SESN1: variants seen among roughly 807,000 people sequenced by gnomAD.
SESN1 encodes sestrin-1.
SESN1 carries 30 observed loss-of-function variants against 59.3 expected under a neutral mutation model. The ratio of observed to expected loss-of-function variants is 0.51; its 90% CI spans 0.38 to 0.69. The LOEUF (loss-of-function observed/expected upper bound fraction) is 0.69, where lower values mean the gene tolerates loss of function less well. SESN1 is among the 30% of genes least tolerant of loss of function. SESN1 has a pLI of 0.00. For synonymous variants in SESN1, 197 were observed against 219.9 expected, an observed-to-expected ratio of 0.90 and a Z score of 0.92; for missense variants, 566 against 673.0, an observed-to-expected ratio of 0.84 and a Z score of 1.76.
intron 2 of SESN1, among the ~76,000 whole-genome samples, 176 bp from the exon 3 acceptor site, chr6:109,001,664 A>T (rs899856743): frequency 6.6e-6 from 1 of 152,212 alleles, no homozygotes; most frequent in African/African-American, 2.4e-5. Flanking sequence ...AAACAGTTAC[A>T]TATTATATAG....
rs947923697 is a variant in SESN1, at chr6:109,036,273, T to C, written c.280-33930A>G. Among the ~76,000 whole-genome samples the C allele has an allele frequency of 5.9e-5, 9 of 152,240 alleles. 1 individual carries two copies. The highest frequency in any genetic ancestry group is 3.2e-3 in the Middle Eastern group (1 of 316). ...CCAGCTTTATAGTTCAGCAAACCTA[T>C]GCAGTTAAAATCAGCTTTTGTGGGT... is the stretch of plus-strand genomic sequence containing the variant. On this transcript the variant is annotated intron_variant, in intron 1 of 9. Transcript: ENST00000436639.
At chr6:109,069,538 C>T (rs1033403560) in intron 1 of SESN1, among the ~76,000 whole-genome samples, 2 of 151,868 alleles carry the variant, frequency 1.3e-5, no homozygotes, top group Non-Finnish European at 2.9e-5. Context: ...TTAATTCCCA[C>T]AAACTTTAAT....
chr6:109,057,861 GA>G (rs2114451002), intron 1 of SESN1, among the ~76,000 whole-genome samples: 1 of 152,212 alleles, frequency 6.6e-6, no homozygotes, highest in East Asian at 1.9e-4. Context: ...TAATCCATAG[GA>G]AAATGAGTTT....
intron 1 of SESN1, 144 bp downstream of exon 1, chr6:109,093,651 G>A (rs1268827714): frequency 2.8e-5 from 22 of 776,526 alleles, no homozygotes; most frequent in Non-Finnish European, 4.3e-5. Flanking sequence ...AACACTACTT[G>A]TTTACTTACA....
intron 1 of SESN1, among the ~76,000 whole-genome samples, chr6:109,031,541 G>A (rs1780182672): frequency 6.6e-6 from 1 of 152,104 alleles, no homozygotes; most frequent in South Asian, 2.1e-4. Flanking sequence ...CCTAAAGTTA[G>A]AAGTCACTGC....
At chr6:109,077,603 A>C (rs2114472292) in intron 1 of SESN1, among the ~76,000 whole-genome samples, 1 of 152,338 alleles carries the variant, frequency 6.6e-6, no homozygotes, top group Non-Finnish European at 1.5e-5. Context: ...ACATGATCAG[A>C]CAGTGTCACC....
chr6:109,085,844 C>T (rs1781205238), intron 1 of SESN1, among the ~76,000 whole-genome samples: 1 of 152,148 alleles, frequency 6.6e-6, no homozygotes, highest in East Asian at 1.9e-4. Context: ...CTTCCAGCAG[C>T]ACTTTCATCC....
chr6:109,047,350 G>A (rs1780467034), intron 1 of SESN1, among the ~76,000 whole-genome samples: 4 of 134,290 alleles, frequency 3.0e-5, no homozygotes, highest in Non-Finnish European at 5.0e-5. Context: ...AGGTGGGGGG[G>A]TCAGCCCCCT....
At chr6:109,005,705 CCCCTCTTCCTTAGCCTCCAAATTGA>C (rs1779718177) in intron 1 of SESN1, among the ~76,000 whole-genome samples, 2 of 152,230 alleles carry the variant, frequency 1.3e-5, no homozygotes, top group East Asian at 3.9e-4. Flanking sequence ...AACACTGTCT[CCCCTCTTCCTTAGCCTCCAAATTGA>C]AGAGTCCTAA....
At chr6:108,993,190 G>C (rs78377844) in intron 6 of SESN1, among the ~76,000 whole-genome samples, 1 of 151,930 alleles carries the variant, frequency 6.6e-6, no homozygotes, top group Non-Finnish European at 1.5e-5. Context: ...TATTAGGTTC[G>C]ACTTATTCAA....
chr6:108,987,564 T>C lies in SESN1; in HGVS notation c.1636A>G (p.Ile546Val). The change falls in exon 10 of 10, where the codon ATT (isoleucine) becomes GTT (valine). Residue 546 changes from isoleucine to valine, a missense_variant. Ile to Val is a conservative substitution (Grantham distance 29). Coordinates refer to ENST00000436639, the MANE Select transcript of SESN1 (RefSeq NM_014454.3). ...QAELLYALRA[I>V]TRYMT The stretch of plus-strand genomic sequence containing the variant: ...AGGCATCAGGTCATATAGCGGGTAA[T>C]GGCTCTCAGAGCATAAAGGAGTTCT... 1 of 1,598,924 alleles carries C rather than the reference T, an allele frequency of 6.3e-7. No individual in the cohort carries two copies. Among genetic ancestry groups the C allele is most frequent in the East Asian group, 2.2e-5 (1 of 44,800 alleles).
intron 3 of SESN1, among the ~76,000 whole-genome samples, chr6:109,000,990 A>G (rs1257368136): frequency 6.6e-6 from 1 of 152,202 alleles, no homozygotes; most frequent in Non-Finnish European, 1.5e-5. Flanking sequence ...AATATTATTT[A>G]CATCTTGAAC....
chr6:108,993,150 T>C, intron 6 of SESN1: 1 of 361,746 alleles, frequency 2.8e-6, no homozygotes, highest in Non-Finnish European at 4.9e-6. Flanking sequence ...TCATAGATCC[T>C]TTCTCTCTCC....
At chr6:109,093,166 A>G (rs1781359334) in intron 1 of SESN1, among the ~76,000 whole-genome samples, 1 of 152,226 alleles carries the variant, frequency 6.6e-6, no homozygotes, top group African/African-American at 2.4e-5. Flanking sequence ...AAATAGCTAC[A>G]CATGTGAAAA....
intron 1 of SESN1, among the ~76,000 whole-genome samples, chr6:109,007,093 C>A (rs959951501): frequency 6.6e-6 from 1 of 152,180 alleles, no homozygotes; most frequent in Admixed American, 6.5e-5. Flanking sequence ...AACCTAATAA[C>A]CATCTTTGAA....
At chr6:109,071,482 T>C (rs573779201) in intron 1 of SESN1, among the ~76,000 whole-genome samples, 31 of 152,168 alleles carry the variant, frequency 2.0e-4, no homozygotes, top group Admixed American at 1.6e-3. Flanking sequence ...AGTAACTTCC[T>C]CGAGGTTAGA....
In SESN1 at chr6:109,007,449, ATT is replaced by A. The variant is rs1049827094; in HGVS notation, c.280-5108_280-5107del. On this transcript the variant is annotated intron_variant, in intron 1 of 9. Coordinates refer to ENST00000436639, the MANE Select transcript of SESN1 (RefSeq NM_014454.3). ...TAAAAATACACAAATAATTTGAATC[ATT>A]TTGTTTTCCTCGCTACACTATTACT... Among the ~76,000 whole-genome samples the A allele has an allele frequency of 2.0e-5, 3 of 152,200 alleles. No homozygotes were observed. The East Asian group carries it at 5.8e-4, about 29-fold the overall frequency.
In SESN1 at chr6:109,093,934, T is replaced by C; in HGVS notation, c.140A>G (p.His47Arg). Reference sequence around the variant, plus strand: ...ATTTGAAAGCCCGTCTGATGGACGATGAGGTGTTTCTTTCACCGAACGAAG... The same window carrying C: ...ATTTGAAAGCCCGTCTGATGGACGACGAGGTGTTTCTTTCACCGAACGAAG... ...EYLRSVKETP[H>R]RPSDGLSNTE... Residue 47 changes from histidine to arginine, a missense_variant, in exon 1 of 10, where the codon CAT (histidine) becomes CGT (arginine). His to Arg is a conservative substitution (Grantham distance 29, BLOSUM62 0). Coordinates refer to ENST00000436639, the MANE Select transcript of SESN1 (RefSeq NM_014454.3). The C allele has an allele frequency of 1.9e-6, 3 of 1,614,210 alleles. No individual in the cohort carries two copies. Among genetic ancestry groups the C allele is most frequent in the Non-Finnish European group, 2.5e-6 (3 of 1,180,028 alleles).
intron 1 of SESN1, among the ~76,000 whole-genome samples, chr6:109,070,743 C>T (rs925238109): frequency 3.9e-5 from 6 of 152,136 alleles, no homozygotes; most frequent in Non-Finnish European, 8.8e-5. Context: ...AAGATAAAAT[C>T]CAAAATTCTT....
Sources: allele counts gnomAD v4.1 joint callset (sites outside exome capture counted in the v4.1 genomes callset), GRCh38; gene constraint gnomAD v4.1.1; transcripts MANE v1.5; gene names NCBI Gene and HGNC (gene_info 2026-07-23, HGNC 2026-07-21).